The following LYRM4 variants were observed in gnomAD, a reference collection of about 807,000 sequenced individuals.
The protein encoded by LYRM4 is LYR motif containing 4.
LYRM4 carries 9 observed loss-of-function variants against 11.7 expected under a neutral mutation model. The observed-to-expected ratio is 0.77, with a 90% CI of 0.46 to 1.34. LYRM4 has a LOEUF of 1.34. Among genes scored for constraint, LYRM4 ranks in the 40% most tolerant of loss-of-function variants. LYRM4 has a pLI of 0.00. For missense variants in LYRM4, 133 were observed against 112.5 expected (o/e 1.18, Z -0.82); for synonymous variants, 42 against 40.4 (o/e 1.04, Z -0.15).
In LYRM4 at chr6:5,245,089, T is replaced by TTAAAAAA. The variant is rs1347789118; in HGVS notation, c.86+15558_86+15559insTTTTTTA. Among the ~76,000 whole-genome samples the TTAAAAAA allele has an allele frequency of 1.3e-4, 2 of 15,496 alleles. 1 individual carries two copies. Among genetic ancestry groups the TTAAAAAA allele is most frequent in the African/African-American group, 3.3e-4 (2 of 5,986 alleles). The allele number at this position is 15,496 out of a possible 152,430, so 10.2% of individuals were successfully genotyped here. ...GCTGACTTTATTTGCAGGAAGACCT[T>TTAAAAAA]AAAAAAAAAAAAAAAAAAAAAAAAA... is the stretch of plus-strand genomic sequence containing the variant. On this transcript the variant is annotated intron_variant, in intron 1 of 2. Transcript: ENST00000330636.
intron 2 of LYRM4, among the ~76,000 whole-genome samples, chr6:5,138,376 C>T (rs796719487): frequency 6.7e-5 from 10 of 149,760 alleles, no homozygotes; most frequent in African/African-American, 2.2e-4. Context: ...CCCAACTACT[C>T]GGGAGGCTGA....
At chr6:5,249,671 G>C (rs982098025) in intron 1 of LYRM4, among the ~76,000 whole-genome samples, 1 of 152,146 alleles carries the variant, frequency 6.6e-6, no homozygotes, top group African/African-American at 2.4e-5. Context: ...CAGCCAGGAG[G>C]ACCCGCCTTA....
chr6:5,188,643 A>T, intron 2 of LYRM4, among the ~76,000 whole-genome samples: 1 of 152,214 alleles, frequency 6.6e-6, no homozygotes, highest in South Asian at 2.1e-4. Context: ...TGGGTAAGTT[A>T]ACCTCTCTAA....
intron 1 of LYRM4, among the ~76,000 whole-genome samples, chr6:5,238,652 A>C (rs1239741673): frequency 2.0e-5 from 3 of 152,232 alleles, no homozygotes; most frequent in African/African-American, 7.2e-5. Flanking sequence ...AAGTGAATAC[A>C]GATCTGTGAA....
chr6:5,120,351 C>T (rs7754867), intron 2 of LYRM4, among the ~76,000 whole-genome samples: 16,370 of 152,136 alleles, frequency 0.11, 968 homozygotes, highest in South Asian at 0.23. Flanking sequence ...GGTCTGTGCA[C>T]GGGAGCCACA....
intron 2 of LYRM4, among the ~76,000 whole-genome samples, chr6:5,174,161 G>GT (rs1264363798): frequency 1.9e-4 from 29 of 150,910 alleles, no homozygotes; most frequent in African/African-American, 2.4e-4. Context: ...AACATTCTCT[G>GT]TTTTTTTTTA....
At chr6:5,230,834 C>T (rs965127789) in intron 1 of LYRM4, among the ~76,000 whole-genome samples, 2 of 152,182 alleles carry the variant, frequency 1.3e-5, no homozygotes, top group African/African-American at 2.4e-5. Context: ...AAAGGGGACA[C>T]GTATCAGTCA....
chr6:5,259,366 T>C (rs1381727519), intron 1 of LYRM4, among the ~76,000 whole-genome samples: 1 of 152,272 alleles, frequency 6.6e-6, no homozygotes. Context: ...ATGCTTATTA[T>C]TACACTCTTT....
At chr6:5,131,375 A>C (rs1763944069) in intron 2 of LYRM4, among the ~76,000 whole-genome samples, 2 of 152,190 alleles carry the variant, frequency 1.3e-5, no homozygotes, top group Admixed American at 1.3e-4. Context: ...AACTAAATAC[A>C]CACACATGTA....
the LYRM4 span, among the ~76,000 whole-genome samples, chr6:5,036,239 T>G: frequency 6.6e-6 from 1 of 152,198 alleles, no homozygotes; most frequent in East Asian, 1.9e-4. Flanking sequence ...GAAGAAGTGG[T>G]CTGAATTAAT....
At chr6:5,154,712 G>C (rs181736076) in intron 2 of LYRM4, among the ~76,000 whole-genome samples, 2 of 152,136 alleles carry the variant, frequency 1.3e-5, no homozygotes, top group Non-Finnish European at 2.9e-5. Context: ...CCAGCTACTC[G>C]GGAGGCTGAG....
intron 2 of LYRM4, chr6:5,136,107 T>C (rs76875274): frequency 0.023 from 4,306 of 183,658 alleles, 59 homozygotes; most frequent in Middle Eastern, 0.073. Context: ...CTGAGTAACA[T>C]TCCATTGTAC....
chr6:5,060,967 TCC>T, the LYRM4 span, among the ~76,000 whole-genome samples: 1 of 152,228 alleles, frequency 6.6e-6, no homozygotes, highest in Non-Finnish European at 1.5e-5. Context: ...GCCACCTTTA[TCC>T]TATACTGTTC....
intron 2 of LYRM4, among the ~76,000 whole-genome samples, chr6:5,171,687 A>G (rs997348135): frequency 1.3e-5 from 2 of 152,208 alleles, no homozygotes; most frequent in South Asian, 2.1e-4. Flanking sequence ...TAAGAGTCTA[A>G]CGTGCTGACA....
chr6:5,200,905 C>A (rs903777305), intron 2 of LYRM4, among the ~76,000 whole-genome samples: 6 of 152,120 alleles, frequency 3.9e-5, no homozygotes, highest in Admixed American at 2.0e-4. Flanking sequence ...TTGAAGATAC[C>A]CTCAGAGCCA....
intron 1 of LYRM4, among the ~76,000 whole-genome samples, chr6:5,229,214 A>G (rs1258956551): frequency 6.6e-6 from 1 of 152,070 alleles, no homozygotes; most frequent in African/African-American, 2.4e-5. Flanking sequence ...TTTTAAGAAA[A>G]AAAGTGAAGA....
chr6:5,240,238 C>T (rs1236904504), intron 1 of LYRM4, among the ~76,000 whole-genome samples: 1 of 152,080 alleles, frequency 6.6e-6, no homozygotes, highest in African/African-American at 2.4e-5. Flanking sequence ...AATCTCACCT[C>T]CTATCTTTCC....
intron 1 of LYRM4, among the ~76,000 whole-genome samples, chr6:5,250,639 G>A (rs1353468328): frequency 1.3e-5 from 2 of 152,210 alleles, no homozygotes; most frequent in East Asian, 1.9e-4. Context: ...GTGGAGCATT[G>A]TTGAAGAGGT....
At chr6:5,229,736 T>C (rs1428656075) in intron 1 of LYRM4, among the ~76,000 whole-genome samples, 2 of 152,226 alleles carry the variant, frequency 1.3e-5, no homozygotes, top group African/African-American at 2.4e-5. Flanking sequence ...GACAGTTTCA[T>C]ATATCTGCAG....
Sources: gnomAD v4.1 joint callset for allele counts (sites outside exome capture counted in the v4.1 genomes callset) on GRCh38, gnomAD v4.1.1 for gene constraint, MANE v1.5 for transcripts, NCBI Gene and HGNC (gene_info 2026-07-23, HGNC 2026-07-21) for gene names.